Variants in THAP12 observed in about 807,000 individuals in gnomAD.
THAP12 encodes the protein 52 kDa repressor of the inhibitor of the protein kinase.
THAP12 carries 20 observed loss-of-function variants against 63.0 expected under a neutral mutation model. The ratio of observed to expected loss-of-function variants is 0.32; its 90% CI spans 0.22 to 0.46. THAP12 has a LOEUF of 0.46. THAP12 is among the 20% of genes least tolerant of loss of function. The probability of loss-of-function intolerance (pLI) is 1.00; values close to 1 mark genes in which losing one functional copy is unlikely to be tolerated. For synonymous variants in THAP12, 264 were observed against 328.4 expected, an observed-to-expected ratio of 0.80 and a Z score of 2.12; for missense variants, 568 against 908.2, an observed-to-expected ratio of 0.63 and a Z score of 4.81.
intron 1 of THAP12, among the ~76,000 whole-genome samples, chr11:76,376,003 G>C (rs867110599): frequency 3.3e-5 from 5 of 152,268 alleles, no homozygotes; most frequent in Admixed American, 2.0e-4. Flanking sequence ...ATCTAGAACA[G>C]GCAAATTTAT....
At chr11:76,368,614 C>T (rs986803626) in intron 1 of THAP12, 50 of 152,208 alleles carry the variant, frequency 3.3e-4, no homozygotes, top group African/African-American at 1.1e-3. Flanking sequence ...AACAGTGAAA[C>T]AAAATAGAGC....
At chr11:76,376,959 C>T (rs983175607) in intron 1 of THAP12, among the ~76,000 whole-genome samples, 2 of 152,126 alleles carry the variant, frequency 1.3e-5, no homozygotes, top group African/African-American at 4.8e-5. Flanking sequence ...CATAATGGGG[C>T]AAGGCCAAGT....
chr11:76,368,841 T>C (rs1431096206), intron 1 of THAP12, among the ~76,000 whole-genome samples: 1 of 152,208 alleles, frequency 6.6e-6, no homozygotes, highest in Non-Finnish European at 1.5e-5. Context: ...ATTATCTTCA[T>C]GACCTTGGAA....
chr11:76,354,105 G>A (rs937647851), intron 4 of THAP12, among the ~76,000 whole-genome samples: 14 of 152,304 alleles, frequency 9.2e-5, no homozygotes, highest in African/African-American at 3.4e-4. Flanking sequence ...GAACAAGGAG[G>A]GCATTTCAGT....
intron 3 of THAP12, chr11:76,356,130 G>GATACACAGAGC (rs1042313278): frequency 1.3e-5 from 2 of 154,778 alleles, no homozygotes; most frequent in Non-Finnish European, 2.9e-5. Flanking sequence ...GCATGGAAGA[G>GATACACAGAGC]ATACACAGAG....
At chr11:76,363,100 G>A (rs533744809) in intron 2 of THAP12, among the ~76,000 whole-genome samples, 2 of 152,076 alleles carry the variant, frequency 1.3e-5, no homozygotes, top group African/African-American at 4.8e-5. Flanking sequence ...CCATGGCTGC[G>A]CCACTGCACC....
chr11:76,380,695 A>G, intron 1 of THAP12, 53 bp downstream of exon 1: 1 of 1,279,814 alleles, frequency 7.8e-7, no homozygotes, highest in Non-Finnish European at 1.0e-6. Flanking sequence ...GGCGGCTGGC[A>G]GCGCTCACCG....
chr11:76,361,051 T>C lies in THAP12; in HGVS notation c.223A>G (p.Thr75Ala). ...SMICRTSPYR[T>A]VLRDNAIPTI... ...GGTATTGCATTATCTCGAAGAACTG[T>C]CCTATAAGGACTCTGAAAAAGAAAA... The change falls in exon 3 of 5, where the codon ACA becomes GCA. Residue 75 changes from threonine to alanine, a missense_variant. Thr to Ala is a moderately conservative substitution (Grantham distance 58). Coordinates refer to ENST00000260045, the MANE Select transcript of THAP12 (RefSeq NM_004705.4). The C allele has an allele frequency of 6.2e-7, 1 of 1,607,088 alleles. No individual in the cohort carries two copies. Among genetic ancestry groups the C allele is most frequent in the East Asian group, 2.2e-5 (1 of 44,786 alleles).
intron 1 of THAP12, among the ~76,000 whole-genome samples, chr11:76,367,887 T>C (rs1483089326): frequency 6.6e-6 from 1 of 152,208 alleles, no homozygotes; most frequent in Non-Finnish European, 1.5e-5. Context: ...ACCTAAATTG[T>C]ACAGCATTTC....
chr11:76,354,548 C>A (rs968051638), intron 4 of THAP12, among the ~76,000 whole-genome samples: 2 of 152,182 alleles, frequency 1.3e-5, no homozygotes, highest in Non-Finnish European at 2.9e-5. Flanking sequence ...CATAGGTATA[C>A]AAATTTCTTA....
At chr11:76,355,563 G>A in intron 4 of THAP12, 55 bp downstream of exon 4, 1 of 1,477,336 alleles carries the variant, frequency 6.8e-7, no homozygotes, top group East Asian at 2.3e-5. Context: ...TCCTTACCAG[G>A]TCAAGGCCTT....
Position 76,352,451 on chromosome 11 carries a change from T to C in THAP12, c.699A>G (p.Thr233=), listed in dbSNP as rs1453282176. 6.2e-7 allele frequency: 1 copy of C among 1,611,996 alleles called. No homozygotes were observed. The highest frequency in any genetic ancestry group is 2.2e-5 in the East Asian group (1 of 44,884). ...TAVNTLFCSK[T]QQRQMLEICE... ...AGATCTCTAGCATCTGCCTCTGCTG[T>C]GTTTTTGAACAAAACAACGTGTTAA... is the stretch of plus-strand genomic sequence containing the variant. The change falls in exon 5 of 5, where the codon ACA becomes ACG. Residue 233 remains threonine, a synonymous_variant. Transcript: ENST00000260045.
chr11:76,356,738 T>C (rs1946563781), intron 3 of THAP12: 2 of 152,180 alleles, frequency 1.3e-5, no homozygotes, highest in African/African-American at 4.8e-5. Flanking sequence ...ATAATCTAGG[T>C]ATTATTTGAA....
intron 1 of THAP12, among the ~76,000 whole-genome samples, chr11:76,371,534 T>G (rs1342757984): frequency 6.6e-6 from 1 of 152,164 alleles, no homozygotes; most frequent in African/African-American, 2.4e-5. Flanking sequence ...CTCCCTACAT[T>G]TATCTTACTA....
intron 2 of THAP12, among the ~76,000 whole-genome samples, chr11:76,364,715 T>G (rs993833467): frequency 6.6e-6 from 1 of 152,240 alleles, no homozygotes; most frequent in Non-Finnish European, 1.5e-5. Flanking sequence ...CAGTTAACAG[T>G]AGGTCCTGAT....
intron 1 of THAP12, among the ~76,000 whole-genome samples, chr11:76,379,819 C>A (rs972849764): frequency 2.0e-5 from 3 of 152,048 alleles, no homozygotes; most frequent in Non-Finnish European, 4.4e-5. Flanking sequence ...TCTGTAACCC[C>A]CACTGCTCAC....
rs566485348 is a variant in THAP12 at position 76,367,715 on chromosome 11, G to A, written c.90-1743C>T. 6.6e-5 allele frequency among the ~76,000 whole-genome samples: 10 copies of A among 152,294 alleles called. No individual in the cohort carries two copies. The South Asian group carries it at 8.3e-4, about 13-fold the overall frequency. On this transcript the variant is annotated intron_variant, in intron 1 of 4. Transcript: ENST00000260045. ...TAGGATTACAGGCGCGAGCCACTGCGCCCGGCCCAACATATTCCTTTATAA... is the reference window on the plus strand; with the variant it reads ...TAGGATTACAGGCGCGAGCCACTGCACCCGGCCCAACATATTCCTTTATAA...
rs1946516150 is a variant in THAP12, at chr11:76,350,323, TG to T, written c.*540del. On this transcript the variant is annotated 3_prime_UTR_variant, in exon 5 of 5. Coordinates refer to ENST00000260045, the MANE Select transcript of THAP12 (RefSeq NM_004705.4). ...GCTTTTCCATTCAAACTTTGTCATT[TG>T]TTTCTTTAAGTTCAAGAAAGACAAA... 1 of 152,360 alleles carries T rather than the reference TG, an allele frequency of 6.6e-6. No individual in the cohort carries two copies. The highest frequency in any genetic ancestry group is 1.5e-5 in the Non-Finnish European group (1 of 68,048). 9.4% of individuals were successfully genotyped at this position (152,360 alleles called of 1,614,324 possible).
At chr11:76,359,000 A>G (rs1352323234) in intron 3 of THAP12, 1 of 152,228 alleles carries the variant, frequency 6.6e-6, no homozygotes, top group Non-Finnish European at 1.5e-5. Flanking sequence ...TTAAAATAAT[A>G]AGAACTGAAA....
Sources: allele counts gnomAD v4.1 joint callset (sites outside exome capture counted in the v4.1 genomes callset), GRCh38; gene constraint gnomAD v4.1.1; transcripts MANE v1.5; gene names NCBI Gene and HGNC (gene_info 2026-07-23, HGNC 2026-07-21).